The following SPATA17 variants were observed in gnomAD, a reference collection of about 807,000 sequenced individuals.
SPATA17 encodes the protein spermatogenesis associated 17, also known as spermatogenesis-associated protein 17.
SPATA17 carries 53 observed loss-of-function variants against 62.2 expected under a neutral mutation model. The observed-to-expected ratio is 0.85, with a 90% confidence interval of 0.68 to 1.07. The LOEUF is 1.07. Among genes scored for constraint, SPATA17 ranks in the 50% least tolerant of loss-of-function variants. The pLI is 0.00. For missense variants in SPATA17, 466 were observed against 425.5 expected, an observed-to-expected ratio of 1.10 and a Z score of -0.84; for synonymous variants, 146 against 146.8, an observed-to-expected ratio of 0.99 and a Z score of 0.04.
Position 217,741,957 on chromosome 1 carries a change from C to A in SPATA17, c.396-18C>A. On this transcript the variant is annotated intron_variant, in intron 5 of 10. Coordinates refer to ENST00000366933, the MANE Select transcript of SPATA17 (RefSeq NM_138796.4). ...TAACACATAGTATCATAAATAACTGCAGATGGTTTTGATGCAGGAAGGCAC... is the reference window on the plus strand; with the variant it reads ...TAACACATAGTATCATAAATAACTGAAGATGGTTTTGATGCAGGAAGGCAC... 1 of 1,613,198 alleles carries A rather than the reference C, an allele frequency of 6.2e-7. No individual in the cohort carries two copies. The highest frequency in any genetic ancestry group is 8.5e-7 in the Non-Finnish European group (1 of 1,179,732).
At chr1:217,734,205 A>T (rs922666973) in intron 5 of SPATA17, among the ~76,000 whole-genome samples, 2 of 152,180 alleles carry the variant, frequency 1.3e-5, no homozygotes, top group Non-Finnish European at 2.9e-5. Flanking sequence ...TAGACTTAGC[A>T]TTCTCTTTTT....
At chr1:217,823,346 TC>T in intron 9 of SPATA17, among the ~76,000 whole-genome samples, 1 of 152,128 alleles carries the variant, frequency 6.6e-6, no homozygotes, top group African/African-American at 2.4e-5. Flanking sequence ...GCTCAAATTC[TC>T]CCTACAAAAG....
chr1:217,822,844 A>C (rs190286790), intron 9 of SPATA17, among the ~76,000 whole-genome samples: 32 of 151,476 alleles, frequency 2.1e-4, no homozygotes, highest in African/African-American at 7.5e-4. Flanking sequence ...CAGCCTGCTC[A>C]ACTGATAGTT....
intron 9 of SPATA17, among the ~76,000 whole-genome samples, chr1:217,830,150 T>A (rs1040262696): frequency 6.6e-6 from 1 of 152,266 alleles, no homozygotes; most frequent in Non-Finnish European, 1.5e-5. Context: ...GCAAGTCAGA[T>A]GTGAATTTAT....
At chr1:217,696,998 T>C (rs578086324) in intron 5 of SPATA17, among the ~76,000 whole-genome samples, 1 of 152,250 alleles carries the variant, frequency 6.6e-6, no homozygotes, top group South Asian at 2.1e-4. Context: ...CCTCTTTGTT[T>C]TTTTGTTGTT....
At chr1:217,837,379 C>G (rs1225607102) in intron 9 of SPATA17, among the ~76,000 whole-genome samples, 1 of 152,016 alleles carries the variant, frequency 6.6e-6, no homozygotes, top group African/African-American at 2.4e-5. Context: ...GACAGTAATA[C>G]TGGGGTTCCC....
At chr1:217,835,196 A>G (rs189212870) in intron 9 of SPATA17, among the ~76,000 whole-genome samples, 1 of 152,224 alleles carries the variant, frequency 6.6e-6, no homozygotes, top group East Asian at 1.9e-4. Context: ...GTTTTCCAAG[A>G]AATCTCTTGG....
At chr1:217,678,206 T>G (rs887873125) in intron 4 of SPATA17, among the ~76,000 whole-genome samples, 2 of 131,784 alleles carry the variant, frequency 1.5e-5, no homozygotes, top group Non-Finnish European at 3.2e-5. Flanking sequence ...TTTTCTTTTC[T>G]TTTTTTTTTT....
chr1:217,725,551 C>G (rs1484693317), intron 5 of SPATA17, among the ~76,000 whole-genome samples: 1 of 152,168 alleles, frequency 6.6e-6, no homozygotes, highest in Non-Finnish European at 1.5e-5. Context: ...CAACCTCTGC[C>G]TCCTGGGCTC....
At chr1:217,838,484 T>C (rs977287519) in intron 9 of SPATA17, among the ~76,000 whole-genome samples, 4 of 152,022 alleles carry the variant, frequency 2.6e-5, no homozygotes, top group Non-Finnish European at 4.4e-5. Flanking sequence ...TAAAGATATA[T>C]AAAGTGAATT....
At chr1:217,639,592 T>C (rs1051593681) in intron 1 of SPATA17, among the ~76,000 whole-genome samples, 11 of 152,200 alleles carry the variant, frequency 7.2e-5, no homozygotes, top group African/African-American at 2.4e-4. Flanking sequence ...ATTTACCTTA[T>C]ATTTAATTAA....
At chr1:217,860,171 A>C (rs993945483) in intron 9 of SPATA17, among the ~76,000 whole-genome samples, 6 of 152,054 alleles carry the variant, frequency 3.9e-5, no homozygotes, top group African/African-American at 1.4e-4. Context: ...TGTTATTTAG[A>C]AGTGCATTGT....
intron 6 of SPATA17, among the ~76,000 whole-genome samples, chr1:217,771,403 A>G (rs1673441919): frequency 1.3e-5 from 2 of 152,108 alleles, no homozygotes; most frequent in Non-Finnish European, 1.5e-5. Context: ...TTTGTGACTC[A>G]TAGTAATATT....
intron 5 of SPATA17, among the ~76,000 whole-genome samples, chr1:217,690,993 G>C (rs61827787): frequency 0.16 from 21,792 of 139,860 alleles, 1,913 homozygotes; most frequent in African/African-American, 0.24. Context: ...ATAGTCCTTT[G>C]GGTATACACC....
At chr1:217,694,717 G>T (rs1228879605) in intron 5 of SPATA17, among the ~76,000 whole-genome samples, 3 of 151,422 alleles carry the variant, frequency 2.0e-5, no homozygotes, top group African/African-American at 7.3e-5. Flanking sequence ...GCATTTGCTT[G>T]TGTGTAAAGG....
intron 5 of SPATA17, among the ~76,000 whole-genome samples, chr1:217,729,412 A>G (rs184204204): frequency 5.3e-5 from 8 of 152,344 alleles, no homozygotes; most frequent in African/African-American, 1.9e-4. Context: ...ACCTCATTTT[A>G]AAAACATAAT....
chr1:217,679,222 T>C (rs925870396), intron 4 of SPATA17, among the ~76,000 whole-genome samples: 4 of 152,146 alleles, frequency 2.6e-5, no homozygotes, highest in Non-Finnish European at 5.9e-5. Flanking sequence ...TTATACAATA[T>C]ATATGTAAGG....
chr1:217,648,895 T>C lies in SPATA17; in HGVS notation c.82T>C (p.Phe28Leu). The change falls in exon 2 of 11, where the codon TTT becomes CTT. Residue 28 changes from phenylalanine to leucine, a missense_variant. By Grantham distance (22) the Phe-to-Leu change is conservative. Coordinates refer to ENST00000366933, the MANE Select transcript of SPATA17 (RefSeq NM_138796.4). Reference sequence around the variant, plus strand: ...ATTTTGTTTTAGTGTTGTAGATCCATTTAGAAAAAAGGAGAATGATGCAGC... The same window carrying C: ...ATTTTGTTTTAGTGTTGTAGATCCACTTAGAAAAAAGGAGAATGATGCAGC... ...YYFRNSVVDP[F>L]RKKENDAAVK... 6.2e-7 allele frequency: 1 copy of C among 1,606,224 alleles called. No individual in the cohort carries two copies. The highest frequency in any genetic ancestry group is 1.1e-5 in the South Asian group (1 of 89,280).
chr1:217,731,982 G>A (rs1378689234), intron 5 of SPATA17, among the ~76,000 whole-genome samples: 1 of 151,962 alleles, frequency 6.6e-6, no homozygotes, highest in Non-Finnish European at 1.5e-5. Flanking sequence ...TTACCCCTTT[G>A]TAATGCTTGA....
Sources: gnomAD v4.1 joint callset for allele counts (sites outside exome capture counted in the v4.1 genomes callset) on GRCh38, gnomAD v4.1.1 for gene constraint, MANE v1.5 for transcripts, NCBI Gene and HGNC (gene_info 2026-07-23, HGNC 2026-07-21) for gene names.